PTPN12: variants seen among roughly 807,000 people sequenced by gnomAD.
PTPN12 encodes protein tyrosine phosphatase non-receptor type 12, also known as tyrosine-protein phosphatase non-receptor type 12.
A neutral mutation model predicts 97.6 loss-of-function variants in PTPN12; 29 were observed. The ratio of observed to expected loss-of-function variants is 0.30; its 90% confidence interval spans 0.22 to 0.41. PTPN12 has a LOEUF of 0.41. Ranked by LOEUF, PTPN12 falls within the 10% of genes least tolerant of loss-of-function variation. The probability of loss-of-function intolerance (pLI) is 1.00; values close to 1 mark genes in which losing one functional copy is unlikely to be tolerated. For synonymous variants in PTPN12, 327 were observed against 300.4 expected, an observed-to-expected ratio of 1.09 and a Z score of -0.91; for missense variants, 819 against 926.0, an observed-to-expected ratio of 0.88 and a Z score of 1.50.
chr7:77,569,046 A>AT (rs1263838768), intron 1 of PTPN12, among the ~76,000 whole-genome samples: 1 of 152,092 alleles, frequency 6.6e-6, no homozygotes, highest in Non-Finnish European at 1.5e-5. Context: ...TTTACGTTCA[A>AT]TTTTTTGAAC....
intron 13 of PTPN12, among the ~76,000 whole-genome samples, chr7:77,631,181 A>G (rs1042090001): frequency 1.3e-5 from 2 of 152,160 alleles, no homozygotes; most frequent in Non-Finnish European, 2.9e-5. Flanking sequence ...CCACTACTGG[A>G]TAAGGTAGAT....
intron 7 of PTPN12, among the ~76,000 whole-genome samples, chr7:77,599,056 A>T (rs2151357649): frequency 6.6e-6 from 1 of 151,592 alleles, no homozygotes; most frequent in East Asian, 1.9e-4. Context: ...TGTAATATTT[A>T]GTCTTGACAT....
chr7:77,580,706 CTAA>C (rs1256779060), intron 2 of PTPN12, among the ~76,000 whole-genome samples: 1 of 151,922 alleles, frequency 6.6e-6, no homozygotes, highest in Non-Finnish European at 1.5e-5. Flanking sequence ...ACTCTATTAC[CTAA>C]TAATAACTAT....
intron 1 of PTPN12, among the ~76,000 whole-genome samples, chr7:77,549,639 G>A (rs961941982): frequency 8.6e-5 from 13 of 150,932 alleles, no homozygotes; most frequent in Non-Finnish European, 1.6e-4. Flanking sequence ...GGAGTGCAGT[G>A]GTGTAATCAT....
chr7:77,560,398 A>G (rs969922534), intron 1 of PTPN12, among the ~76,000 whole-genome samples: 8 of 152,322 alleles, frequency 5.3e-5, no homozygotes, highest in African/African-American at 1.9e-4. Flanking sequence ...AAATACATGT[A>G]ACATGAAAAC....
chr7:77,585,225 G>A lies in PTPN12; in HGVS notation c.382-318G>A, dbSNP rs373809202. 1.6e-4 allele frequency: 28 copies of A among 171,690 alleles called. 1 individual carries two copies. The East Asian group carries it at 2.6e-3, about 16-fold the overall frequency. The allele number at this position is 171,690 out of a possible 1,614,324, so 10.6% of individuals were successfully genotyped here. On this transcript the variant is annotated intron_variant, in intron 4 of 17. Transcript: ENST00000248594. ...AATTAATAGTGCTATTTATAATTAG[G>A]TAAATATCCTAAAAGTGATATTTTA...
At chr7:77,600,549 A>T (rs565912667) in intron 7 of PTPN12, 115 bp from the exon 8 acceptor site, 6 of 835,164 alleles carry the variant, frequency 7.2e-6, no homozygotes, top group East Asian at 5.5e-5. Context: ...GGGTTTTTTT[A>T]AAAGCAGTGC....
At chr7:77,630,804 C>T (rs945108648) in intron 13 of PTPN12, among the ~76,000 whole-genome samples, 1 of 152,178 alleles carries the variant, frequency 6.6e-6, no homozygotes, top group African/African-American at 2.4e-5. Flanking sequence ...AGGCCCCATA[C>T]AGTGTATGAT....
At position 77,639,266 on chromosome 7, in the gene PTPN12, T is replaced by G; in HGVS notation, c.2329T>G (p.Ser777Ala). Reference sequence around the variant, plus strand: ...ACCCAAAGGACCAAGAGATCCACCTTCAGAATGGACATGATTCAGGGAGCT... The same window carrying G: ...ACCCAAAGGACCAAGAGATCCACCTGCAGAATGGACATGATTCAGGGAGCT... ...GKPKGPRDPP[S>A]EWT Residue 777 changes from serine (S) to alanine (A), a missense_variant, in exon 18 of 18, where the codon TCA becomes GCA. By Grantham distance (99) the Ser-to-Ala change is moderately conservative. Transcript: ENST00000248594. 2 of 1,612,664 alleles carry G rather than the reference T, an allele frequency of 1.2e-6. No individual in the cohort carries two copies.
chr7:77,558,224 AAAAG>A, intron 1 of PTPN12, among the ~76,000 whole-genome samples: 1 of 151,270 alleles, frequency 6.6e-6, no homozygotes, highest in East Asian at 1.9e-4. Flanking sequence ...AAAAAAAAAA[AAAAG>A]AAAAAGAAAA....
In PTPN12 at chr7:77,581,439, G is replaced by A; in HGVS notation, c.221G>A (p.Arg74Gln). Residue 74 changes from arginine (R) to glutamine (Q), a missense_variant, in exon 3 of 18, where the codon CGA becomes CAA. By Grantham distance (43) the Arg-to-Gln change is conservative. Around this residue, in one of 5 missense-constraint regions of PTPN12, gnomAD observed 66 missense variants for 133.6 expected, o/e 0.49. Coordinates refer to ENST00000248594, the MANE Select transcript of PTPN12 (RefSeq NM_002835.4). ...TTTTTTCTCGTAGTTGATCACAGCC[G>A]AGTTAAATTGACATTAAAGACTCCT... Reference protein sequence around the residue: ...YKDILPFDHSRVKLTLKTPSQ... With the variant: ...YKDILPFDHSQVKLTLKTPSQ... The A allele has an allele frequency of 6.2e-7, 1 of 1,605,684 alleles. No homozygotes were observed. The highest frequency in any genetic ancestry group is 8.5e-7 in the Non-Finnish European group (1 of 1,175,148).
intron 15 of PTPN12, 44 bp downstream of exon 15, chr7:77,635,893 A>C: frequency 7.6e-7 from 1 of 1,321,436 alleles, no homozygotes; most frequent in South Asian, 1.4e-5. Context: ...TAACATTTCT[A>C]CTCTTTTGTT....
chr7:77,613,178 T>G (rs1185367525), intron 11 of PTPN12, among the ~76,000 whole-genome samples: 1 of 135,874 alleles, frequency 7.4e-6, no homozygotes, highest in East Asian at 2.1e-4. Context: ...TTTTTTTTTT[T>G]TTTTTTTTTT....
chr7:77,609,289 T>TTTTTTG (rs1788480667), intron 9 of PTPN12, among the ~76,000 whole-genome samples: 1 of 149,972 alleles, frequency 6.7e-6, no homozygotes, highest in Admixed American at 6.6e-5. Flanking sequence ...TTTTTTTTTT[T>TTTTTTG]GAGATGGAGT....
At chr7:77,585,899 A>G (rs901952770) in intron 5 of PTPN12, among the ~76,000 whole-genome samples, 1 of 152,204 alleles carries the variant, frequency 6.6e-6, no homozygotes, top group Non-Finnish European at 1.5e-5. Context: ...ATACTGTATT[A>G]TAGTCTGTTA....
intron 15 of PTPN12, 123 bp downstream of exon 15, chr7:77,635,972 C>T (rs1224544334): frequency 3.3e-6 from 2 of 603,726 alleles, no homozygotes; most frequent in South Asian, 3.9e-5. Flanking sequence ...AATTTTTGAT[C>T]GGCATTTCTT....
intron 1 of PTPN12, chr7:77,537,979 G>GGT (rs1562696942): frequency 2.1e-5 from 4 of 190,748 alleles, no homozygotes; most frequent in Non-Finnish European, 2.3e-5. Context: ...GGTGCAGGCC[G>GGT]GGGGGGGGGG....
rs370159470 is a variant in PTPN12, at chr7:77,626,959, A to T, written c.1280A>T (p.Asp427Val). The change falls in exon 13 of 18, where the codon GAT becomes GTT. Residue 427 changes from aspartate to valine, a missense_variant. Physicochemically the swap from Asp to Val is radical, Grantham distance 152. Coordinates refer to ENST00000248594, the MANE Select transcript of PTPN12 (RefSeq NM_002835.4). ...AATGAATCAACAATTGAACAGATAG[A>T]TAAAAAATTGGAACGAAATTTAAGT... ...GKNESTIEQIDKKLERNLSFE... is the reference protein window; with the variant it reads ...GKNESTIEQIVKKLERNLSFE... 4.3e-6 allele frequency: 7 copies of T among 1,610,556 alleles called. No homozygotes were observed. Among genetic ancestry groups the T allele is most frequent in the African/African-American group, 2.7e-5 (2 of 74,548 alleles).
At chr7:77,597,997 G>T (rs756848441) in intron 7 of PTPN12, 96 bp downstream of exon 7, 2 of 1,480,060 alleles carry the variant, frequency 1.4e-6, no homozygotes, top group Non-Finnish European at 1.8e-6. Flanking sequence ...GGAGGCTGAA[G>T]TGGGAGGGTG....
Sources: gnomAD v4.1 joint callset for allele counts (sites outside exome capture counted in the v4.1 genomes callset) on GRCh38, gnomAD v4.1.1 for gene constraint, gnomAD v4.1.1 regional missense constraint, MANE v1.5 for transcripts, NCBI Gene and HGNC (gene_info 2026-07-23, HGNC 2026-07-21) for gene names.